MERTK: variants seen among roughly 807,000 people sequenced by gnomAD.
The protein encoded by MERTK is tyrosine-protein kinase Mer.
Under a neutral mutation model 99.3 loss-of-function variants are expected in MERTK, and 69 were observed. That is an observed-to-expected ratio of 0.70 (90% CI 0.57 to 0.85). MERTK has a LOEUF of 0.85. MERTK is among the 40% of genes least tolerant of loss of function. MERTK has a pLI of 0.00. For missense variants in MERTK, 1,125 were observed against 1,249.4 expected (o/e 0.90, Z 1.50); for synonymous variants, 426 against 467.6 (o/e 0.91, Z 1.15).
chr2:111,902,720 A>G (rs748602435), intron 1 of MERTK, among the ~76,000 whole-genome samples: 2 of 151,312 alleles, frequency 1.3e-5, no homozygotes, highest in Admixed American at 6.6e-5. Flanking sequence ...ACACCCCACT[A>G]TCCCTTAAAT....
intron 14 of MERTK, 64 bp from the exon 15 acceptor site, chr2:112,009,884 C>T (rs758657690): frequency 2.0e-5 from 25 of 1,266,606 alleles, no homozygotes; most frequent in Non-Finnish European, 2.5e-5. Context: ...CAGTGGTCCA[C>T]GAGGGCTTTT....
At position 112,021,430 on chromosome 2, in the gene MERTK, A is replaced by AT; in HGVS notation, c.2199dup (p.Asp734Ter). On this transcript the variant is annotated frameshift_variant, in exon 17 of 19. Coordinates refer to ENST00000295408, the MANE Select transcript of MERTK (RefSeq NM_006343.3). LOFTEE classifies it high-confidence loss of function. ...TAACCTGCTCTCTGTAGGTTGCGAG[A>AT]TGACATGACTGTCTGTGTTGCGGAC... The AT allele has an allele frequency of 6.2e-7, 1 of 1,613,346 alleles. No homozygotes were observed. The highest frequency in any genetic ancestry group is 8.5e-7 in the Non-Finnish European group (1 of 1,179,870).
chr2:112,021,424 T>G lies in MERTK; in HGVS notation c.2192T>G (p.Leu731Trp). ...AAGACGTAACCTGCTCTCTGTAGGT[T>G]GCGAGATGACATGACTGTCTGTGTT... ...HRDLAARNCM[L>W]RDDMTVCVAD... Residue 731 changes from leucine to tryptophan, a missense_variant and splice_region_variant, in exon 17 of 19, where the codon TTG becomes TGG. Leu to Trp is a moderately conservative substitution (Grantham distance 61). Coordinates refer to ENST00000295408, the MANE Select transcript of MERTK (RefSeq NM_006343.3). The G allele has an allele frequency of 6.2e-7, 1 of 1,613,180 alleles. No homozygotes were observed. Among genetic ancestry groups the G allele is most frequent in the Non-Finnish European group, 8.5e-7 (1 of 1,179,870 alleles).
chr2:111,986,995 T>G (rs2104744698), intron 8 of MERTK, among the ~76,000 whole-genome samples: 1 of 152,352 alleles, frequency 6.6e-6, no homozygotes, highest in Non-Finnish European at 1.5e-5. Context: ...GATCTTGGCA[T>G]CTGTCACTTT....
intron 7 of MERTK, among the ~76,000 whole-genome samples, chr2:111,975,735 T>A (rs1327161402): frequency 6.6e-6 from 1 of 152,288 alleles, no homozygotes; most frequent in East Asian, 1.9e-4. Flanking sequence ...TAAAACATGC[T>A]CTCTCACAAC....
intron 1 of MERTK, among the ~76,000 whole-genome samples, chr2:111,917,239 C>A (rs1684367989): frequency 6.6e-6 from 1 of 152,182 alleles, no homozygotes; most frequent in Non-Finnish European, 1.5e-5. Context: ...GTCAGTGGGG[C>A]TAGACATCTT....
chr2:111,924,812 C>T (rs3969757), intron 1 of MERTK, among the ~76,000 whole-genome samples: 6,565 of 152,176 alleles, frequency 0.043, 483 homozygotes, highest in African/African-American at 0.15. Flanking sequence ...TTTCCCACCA[C>T]CTTTGACCCT....
At chr2:111,914,822 G>A (rs908198679) in intron 1 of MERTK, among the ~76,000 whole-genome samples, 13 of 151,732 alleles carry the variant, frequency 8.6e-5, no homozygotes, top group African/African-American at 3.1e-4. Flanking sequence ...TAATTTTTTT[G>A]TGTTTATATT....
chr2:111,940,238 G>A (rs1281383316), intron 2 of MERTK: 6 of 286,804 alleles, frequency 2.1e-5, no homozygotes, highest in African/African-American at 4.4e-5. Flanking sequence ...CATGCCGGAA[G>A]TATACATGGT....
At chr2:111,923,902 G>T (rs1684509136) in intron 1 of MERTK, among the ~76,000 whole-genome samples, 1 of 152,160 alleles carries the variant, frequency 6.6e-6, no homozygotes, top group Admixed American at 6.5e-5. Context: ...ATTCATCATT[G>T]CCCAAACCCT....
At chr2:111,983,764 G>A (rs1676418802) in intron 8 of MERTK, among the ~76,000 whole-genome samples, 8 of 152,178 alleles carry the variant, frequency 5.3e-5, no homozygotes, top group Admixed American at 5.2e-4. Flanking sequence ...GTCATGCTGT[G>A]GCCACCTTGA....
chr2:111,982,009 C>G (rs1033116543), intron 7 of MERTK, among the ~76,000 whole-genome samples: 2 of 151,944 alleles, frequency 1.3e-5, no homozygotes, highest in Non-Finnish European at 2.9e-5. Flanking sequence ...ACCCTACCTT[C>G]CCTGCCTTCT....
At chr2:111,915,863 C>T (rs1010276831) in intron 1 of MERTK, among the ~76,000 whole-genome samples, 3 of 152,132 alleles carry the variant, frequency 2.0e-5, no homozygotes, top group African/African-American at 7.2e-5. Context: ...CTATTGCACT[C>T]TAGCCTGGGC....
At chr2:111,923,383 T>A (rs1480945808) in intron 1 of MERTK, among the ~76,000 whole-genome samples, 1 of 152,154 alleles carries the variant, frequency 6.6e-6, no homozygotes, top group Non-Finnish European at 1.5e-5. Context: ...AAGGGCTGCA[T>A]GGTGATTGGA....
chr2:111,975,724 T>G (rs1034020318), intron 7 of MERTK, among the ~76,000 whole-genome samples: 1 of 152,166 alleles, frequency 6.6e-6, no homozygotes, highest in African/African-American at 2.4e-5. Context: ...GCAGCACACT[T>G]TAAAACATGC....
Position 112,008,385 on chromosome 2 carries a change from G to C in MERTK, c.1870G>C (p.Asp624His), listed in dbSNP as rs1677028116. 1.2e-6 allele frequency: 2 copies of C among 1,612,606 alleles called. No individual in the cohort carries two copies. Among genetic ancestry groups the C allele is most frequent in the Non-Finnish European group, 1.7e-6 (2 of 1,178,730 alleles). The change falls in exon 14 of 19, where the codon GAC becomes CAC. Residue 624 changes from aspartate to histidine, a missense_variant and splice_region_variant. Asp to His is a moderately conservative substitution (Grantham distance 81, BLOSUM62 -1). Transcript: ENST00000295408. The part of the protein sequence containing the change: ...LKVAVKTMKL[D>H]NSSQREIEEF... ...ACCTTTTCTATTTTCTCCTCTAGTGGACAACTCTTCACAGCGGGAGATCGA... is the reference window on the plus strand; with the variant it reads ...ACCTTTTCTATTTTCTCCTCTAGTGCACAACTCTTCACAGCGGGAGATCGA...
At chr2:111,970,237 A>C (rs755504043) in intron 6 of MERTK, among the ~76,000 whole-genome samples, 3 of 148,242 alleles carry the variant, frequency 2.0e-5, no homozygotes, top group Non-Finnish European at 3.0e-5. Flanking sequence ...GCTCACTGCA[A>C]CCTCTGCCTC....
chr2:111,932,131 A>G (rs909403454), intron 2 of MERTK, among the ~76,000 whole-genome samples: 2 of 152,114 alleles, frequency 1.3e-5, no homozygotes, highest in Admixed American at 1.3e-4. Context: ...ATCTTATTTG[A>G]CCTCCAAACT....
chr2:111,954,957 C>A (rs1161125742), intron 4 of MERTK, among the ~76,000 whole-genome samples: 2 of 151,920 alleles, frequency 1.3e-5, no homozygotes, highest in African/African-American at 4.8e-5. Context: ...AGTTTGATAC[C>A]TGAGTCCCTT....
Sources: gnomAD v4.1 joint callset for allele counts (sites outside exome capture counted in the v4.1 genomes callset) on GRCh38, gnomAD v4.1.1 for gene constraint, MANE v1.5 for transcripts, NCBI Gene and HGNC (gene_info 2026-07-23, HGNC 2026-07-21) for gene names.